The following C8orf34 variants were observed in gnomAD, a reference collection of about 807,000 sequenced individuals.
C8orf34 encodes the protein chromosome 8 open reading frame 34, also known as uncharacterized protein C8orf34.
C8orf34 carries 65 observed loss-of-function variants against 68.3 expected under a neutral mutation model. That is an observed-to-expected ratio of 0.95 (90% CI 0.78 to 1.17). The LOEUF (loss-of-function observed/expected upper bound fraction) is 1.17, where lower values mean the gene tolerates loss of function less well. Ranked by LOEUF, C8orf34 falls within the 50% of genes most tolerant of loss-of-function variation. The pLI is 0.00. For synonymous variants in C8orf34, 244 were observed against 241.2 expected, an observed-to-expected ratio of 1.01 and a Z score of -0.11; for missense variants, 664 against 655.4, an observed-to-expected ratio of 1.01 and a Z score of -0.14.
intron 13 of C8orf34, 149 bp from the exon 14 acceptor site, chr8:68,818,090 T>C: frequency 1.5e-6 from 1 of 670,532 alleles, no homozygotes; most frequent in Non-Finnish European, 2.6e-6. Flanking sequence ...GCAAATATGA[T>C]TAATAGAGGT....
At chr8:68,330,717 C>A, upstream of C8orf34, 1 of 330,072 alleles carries the variant, frequency 3.0e-6, no homozygotes, top group Non-Finnish European at 5.4e-6. Flanking sequence ...GCTGGTAGGG[C>A]GAGCAGCCTC....
In C8orf34 at chr8:68,565,469, CCT is replaced by C. The variant is rs1403887539; in HGVS notation, c.1105+32321_1105+32322del. On this transcript the variant is annotated intron_variant, in intron 7 of 13. Coordinates refer to ENST00000518698, the MANE Select transcript of C8orf34 (RefSeq NM_052958.4). ...TATGCAAAGCAGGCCTTTTTTCACC[CCT>C]GTTTCCAAGGAAGAGAGGGAAGGAA... 1.2e-4 allele frequency among the ~76,000 whole-genome samples: 18 copies of C among 152,238 alleles called. No individual in the cohort carries two copies. In the East Asian group the frequency reaches 3.3e-3, roughly 28 times the overall value.
chr8:68,443,738 C>G (rs923790664), intron 2 of C8orf34, among the ~76,000 whole-genome samples: 7 of 151,974 alleles, frequency 4.6e-5, no homozygotes, highest in African/African-American at 1.4e-4. Flanking sequence ...GAAAACGTCT[C>G]AATATTCAAA....
At chr8:68,497,151 A>G (rs1190015739) in intron 5 of C8orf34, among the ~76,000 whole-genome samples, 1 of 152,198 alleles carries the variant, frequency 6.6e-6, no homozygotes, top group Non-Finnish European at 1.5e-5. Flanking sequence ...AATATTTCTA[A>G]TTGTAGGGAG....
rs371501831 is a variant in C8orf34 at position 68,810,261 on chromosome 8, C to T, written c.1550-5625C>T. Among the ~76,000 whole-genome samples, 4 of 152,210 alleles carry T rather than the reference C, an allele frequency of 2.6e-5. No individual in the cohort carries two copies. The East Asian group carries it at 5.8e-4, about 22-fold the overall frequency. On this transcript the variant is annotated intron_variant, in intron 12 of 13. Coordinates refer to ENST00000518698, the MANE Select transcript of C8orf34 (RefSeq NM_052958.4). Reference sequence around the variant, plus strand: ...ACAGGGTCTGGCTACTACACACAGCCAGGCATGCTGGCTGCGGCAGGGCAG... The same window carrying T: ...ACAGGGTCTGGCTACTACACACAGCTAGGCATGCTGGCTGCGGCAGGGCAG...
intron 5 of C8orf34, 111 bp from the exon 6 acceptor site, chr8:68,521,688 C>T: frequency 1.1e-6 from 1 of 919,590 alleles, no homozygotes; most frequent in Non-Finnish European, 1.6e-6. Context: ...TGTATCAATT[C>T]AGAAAGACAA....
At chr8:68,684,905 G>A (rs1298494656) in intron 8 of C8orf34, among the ~76,000 whole-genome samples, 1 of 151,922 alleles carries the variant, frequency 6.6e-6, no homozygotes, top group Non-Finnish European at 1.5e-5. Flanking sequence ...AATTATGTTG[G>A]AGTTAAATTT....
intron 5 of C8orf34, among the ~76,000 whole-genome samples, chr8:68,503,257 A>T (rs1286737560): frequency 6.6e-6 from 1 of 152,190 alleles, no homozygotes; most frequent in East Asian, 1.9e-4. Context: ...TATTATTGTT[A>T]TCTATGTTAA....
rs187510921 is a variant in C8orf34 at position 68,427,909 on chromosome 8, A to G, written c.328-11590A>G. Among the ~76,000 whole-genome samples, 869 of 149,052 alleles carry G rather than the reference A, an allele frequency of 5.8e-3. 10 individuals are homozygous for G. The highest frequency in any genetic ancestry group is 0.02 in the African/African-American group (832 of 41,020). On this transcript the variant is annotated intron_variant, in intron 1 of 13. Transcript: ENST00000518698. ...ATTTCTAAGTTTTTTTATTATATGC[A>G]AACAAAATAAGAAAGATTATTTCAT...
chr8:68,764,405 T>A (rs908437122), intron 10 of C8orf34, among the ~76,000 whole-genome samples: 3 of 152,192 alleles, frequency 2.0e-5, no homozygotes, highest in Admixed American at 6.5e-5. Context: ...GTTGGGTCTG[T>A]GGAGTCAACA....
At chr8:68,791,191 G>T (rs980490466) in intron 12 of C8orf34, 1 of 401,496 alleles carries the variant, frequency 2.5e-6, no homozygotes, top group Non-Finnish European at 4.4e-6. Context: ...CCCCATGTCT[G>T]GGGAGGCCTC....
intron 8 of C8orf34, among the ~76,000 whole-genome samples, chr8:68,693,887 C>G (rs1758395899): frequency 6.6e-6 from 1 of 152,048 alleles, no homozygotes; most frequent in African/African-American, 2.4e-5. Context: ...TTGTGGATGG[C>G]TTTTAATAAT....
At chr8:68,441,335 G>C (rs1215948412) in intron 2 of C8orf34, among the ~76,000 whole-genome samples, 1 of 152,086 alleles carries the variant, frequency 6.6e-6, no homozygotes, top group Non-Finnish European at 1.5e-5. Flanking sequence ...CCTATTTTCT[G>C]ACTGACTTTC....
At chr8:68,642,335 A>C (rs1563580670) in intron 8 of C8orf34, among the ~76,000 whole-genome samples, 1 of 152,358 alleles carries the variant, frequency 6.6e-6, no homozygotes, top group Non-Finnish European at 1.5e-5. Context: ...ATTCAGATAA[A>C]TGTGGTAAAC....
At chr8:68,716,837 T>A (rs1464384676) in intron 9 of C8orf34, among the ~76,000 whole-genome samples, 1 of 151,998 alleles carries the variant, frequency 6.6e-6, no homozygotes, top group Non-Finnish European at 1.5e-5. Flanking sequence ...GTTAGTATGT[T>A]CATGGATAGG....
chr8:68,646,812 A>G (rs1222785099), intron 8 of C8orf34, among the ~76,000 whole-genome samples: 2 of 152,206 alleles, frequency 1.3e-5, no homozygotes, highest in African/African-American at 2.4e-5. Context: ...TTTAAAGGCT[A>G]AATAGTATTC....
Position 68,659,075 on chromosome 8 carries a change from C to A in C8orf34, c.1241+18564C>A, listed in dbSNP as rs1382507620. Among the ~76,000 whole-genome samples, 4 of 152,050 alleles carry A rather than the reference C, an allele frequency of 2.6e-5. No individual in the cohort carries two copies. The East Asian group carries it at 5.8e-4, about 22-fold the overall frequency. On this transcript the variant is annotated intron_variant, in intron 8 of 13. Transcript: ENST00000518698. ...CCTCCCTCCCTTCCTTCCTCAACCC[C>A]TTCTGTCTCCTGGCTTTTCAGTTTA...
intron 7 of C8orf34, among the ~76,000 whole-genome samples, chr8:68,617,306 G>C (rs181870484): frequency 5.3e-4 from 81 of 152,284 alleles, no homozygotes; most frequent in Non-Finnish European, 1.0e-4. Context: ...ATAGTGTTAT[G>C]TGTGAATTTG....
At chr8:68,610,861 GTTTTTTTTT>G (rs60113883) in intron 7 of C8orf34, among the ~76,000 whole-genome samples, 1 of 120,476 alleles carries the variant, frequency 8.3e-6, no homozygotes, top group Non-Finnish European at 1.7e-5. Context: ...TGAATCTTTG[GTTTTTTTTT>G]TTTTTTTTTT....
Sources: allele counts gnomAD v4.1 joint callset (sites outside exome capture counted in the v4.1 genomes callset), GRCh38; gene constraint gnomAD v4.1.1; transcripts MANE v1.5; gene names NCBI Gene and HGNC (gene_info 2026-07-23, HGNC 2026-07-21).